Variants in ABI1 observed in about 807,000 individuals in gnomAD.
The protein encoded by ABI1 is abl interactor 1.
ABI1 carries 14 observed loss-of-function variants against 54.6 expected under a neutral mutation model. The observed-to-expected ratio is 0.26, with a 90% confidence interval of 0.17 to 0.40. The LOEUF is 0.40. Ranked by LOEUF, ABI1 falls within the 10% of genes least tolerant of loss-of-function variation. The pLI, the probability that ABI1 is intolerant of heterozygous loss-of-function variation, is 1.00. For synonymous variants in ABI1, 194 were observed against 209.3 expected (o/e 0.93, Z 0.63); for missense variants, 443 against 598.3 (o/e 0.74, Z 2.71).
chr10:26,749,029 AATTC>A (rs1837282542), intron 10 of ABI1, among the ~76,000 whole-genome samples: 1 of 152,220 alleles, frequency 6.6e-6, no homozygotes, highest in African/African-American at 2.4e-5. Flanking sequence ...TAGATGTTTC[AATTC>A]ATTCAAATAC....
chr10:26,857,660 A>C (rs907042750), intron 1 of ABI1, among the ~76,000 whole-genome samples: 9 of 150,788 alleles, frequency 6.0e-5, no homozygotes, highest in Non-Finnish European at 1.0e-4. Context: ...AAAAAAAAAA[A>C]AACTTTCTAT....
intron 2 of ABI1, among the ~76,000 whole-genome samples, chr10:26,784,126 T>C (rs183379628): frequency 9.3e-4 from 141 of 152,272 alleles, no homozygotes; most frequent in African/African-American, 3.0e-3. Flanking sequence ...ACAAAGGACA[T>C]TTCTCTGCAA....
At chr10:26,849,777 ATTC>A (rs2050251079) in intron 1 of ABI1, among the ~76,000 whole-genome samples, 1 of 151,408 alleles carries the variant, frequency 6.6e-6, no homozygotes, top group South Asian at 2.1e-4. Context: ...ATACTTGAAA[ATTC>A]TTCTAGTGAG....
chr10:26,781,537 A>G (rs1842107497), intron 2 of ABI1, among the ~76,000 whole-genome samples: 1 of 152,350 alleles, frequency 6.6e-6, no homozygotes, highest in Non-Finnish European at 1.5e-5. Context: ...TCCAGTGCCC[A>G]TGATACAGAA....
At chr10:26,773,261 G>C (rs1840960136) in intron 3 of ABI1, among the ~76,000 whole-genome samples, 1 of 127,584 alleles carries the variant, frequency 7.8e-6, no homozygotes, top group South Asian at 2.5e-4. Context: ...GAGTGCAGTG[G>C]CTCAATCTTG....
chr10:26,748,288 C>T lies in ABI1; in HGVS notation c.*282G>A, dbSNP rs1022284315. On this transcript the variant is annotated 3_prime_UTR_variant, in exon 11 of 11. Transcript: ENST00000376140. ...ATCATGATTCGTTAAATATTATACC[C>T]CACTTCCCCCAGAATATTTAGGCTG... 1 of 293,730 alleles carries T rather than the reference C, an allele frequency of 3.4e-6. No homozygotes were observed. The highest frequency in any genetic ancestry group is 2.1e-5 in the African/African-American group (1 of 47,320). 18.2% of individuals were successfully genotyped at this position (293,730 alleles called of 1,614,324 possible). A position where few individuals can be genotyped will look rare whatever the true frequency, so the allele number is the denominator to read the frequency against.
At chr10:26,786,230 T>C (rs1842719380) in intron 2 of ABI1, among the ~76,000 whole-genome samples, 1 of 151,930 alleles carries the variant, frequency 6.6e-6, no homozygotes, top group South Asian at 2.1e-4. Context: ...CTTTTTTTTT[T>C]TTTGACAGGG....
intron 7 of ABI1, among the ~76,000 whole-genome samples, chr10:26,759,574 T>G (rs1838840623): frequency 6.6e-6 from 1 of 152,158 alleles, no homozygotes. Flanking sequence ...ATGTAAATTG[T>G]CTTTCCAATA....
At chr10:26,798,735 A>G (rs2046359426) in intron 2 of ABI1, among the ~76,000 whole-genome samples, 1 of 151,990 alleles carries the variant, frequency 6.6e-6, no homozygotes, top group African/African-American at 2.4e-5. Flanking sequence ...TTCAGGTTCA[A>G]AAAGTATAAA....
intron 9 of ABI1, 91 bp from the exon 10 acceptor site, chr10:26,751,874 T>A: frequency 8.7e-7 from 1 of 1,150,722 alleles, no homozygotes; most frequent in Non-Finnish European, 1.2e-6. Context: ...CTAACTTAAG[T>A]ACAGCATGCA....
chr10:26,815,463 A>G (rs532695005), intron 2 of ABI1, among the ~76,000 whole-genome samples: 1 of 152,252 alleles, frequency 6.6e-6, no homozygotes, highest in South Asian at 2.1e-4. Context: ...AACACAGAGA[A>G]TATTCATAAT....
intron 2 of ABI1, among the ~76,000 whole-genome samples, chr10:26,784,511 C>T (rs374193494): frequency 2.4e-3 from 354 of 148,054 alleles, no homozygotes; most frequent in African/African-American, 8.4e-3. Flanking sequence ...CAGCCTGTGC[C>T]GTCTGACTTA....
At chr10:26,789,591 A>G (rs1843158517) in intron 2 of ABI1, among the ~76,000 whole-genome samples, 1 of 152,182 alleles carries the variant, frequency 6.6e-6, no homozygotes, top group South Asian at 2.1e-4. Context: ...ACATTTTAAA[A>G]GGGATTTTCT....
intron 2 of ABI1, among the ~76,000 whole-genome samples, chr10:26,816,156 T>C (rs1199567885): frequency 1.3e-5 from 2 of 152,156 alleles, no homozygotes; most frequent in Admixed American, 6.5e-5. Context: ...TGATAAGCCA[T>C]TGTGACATTT....
chr10:26,760,745 C>G (rs1284812486), intron 7 of ABI1, among the ~76,000 whole-genome samples: 1 of 151,962 alleles, frequency 6.6e-6, no homozygotes, highest in Non-Finnish European at 1.5e-5. Context: ...CAACAATTAG[C>G]TGGGCATGGA....
chr10:26,801,405 G>A lies in ABI1; in HGVS notation c.285+21733C>T, dbSNP rs7093554. 1.5e-3 allele frequency among the ~76,000 whole-genome samples: 227 copies of A among 152,194 alleles called. 1 individual carries two copies. The highest frequency in any genetic ancestry group is 5.2e-3 in the African/African-American group (217 of 41,532). Reference sequence around the variant, plus strand: ...CTACAAAAAATACAAAAATTAGCCAGGCGTGGTGGTATGCACCTGCAGTCC... The same window carrying A: ...CTACAAAAAATACAAAAATTAGCCAAGCGTGGTGGTATGCACCTGCAGTCC... On this transcript the variant is annotated intron_variant, in intron 2 of 10. Transcript: ENST00000376140.
chr10:26,821,824 A>G (rs1474136667), intron 2 of ABI1, among the ~76,000 whole-genome samples: 2 of 151,830 alleles, frequency 1.3e-5, no homozygotes, highest in African/African-American at 4.8e-5. Flanking sequence ...ACAAAGCAGG[A>G]GGATTATTAT....
intron 2 of ABI1, among the ~76,000 whole-genome samples, chr10:26,818,474 C>A (rs11015311): frequency 6.6e-6 from 1 of 151,204 alleles, no homozygotes; most frequent in African/African-American, 2.4e-5. Flanking sequence ...CAAAAATTAG[C>A]TGGCATGCAC....
intron 10 of ABI1, among the ~76,000 whole-genome samples, chr10:26,748,972 G>A (rs939854812): frequency 6.6e-6 from 1 of 152,110 alleles, no homozygotes; most frequent in Admixed American, 6.6e-5. Context: ...TACATCAATA[G>A]GTTCTGTCAA....
Sources: allele counts gnomAD v4.1 joint callset (sites outside exome capture counted in the v4.1 genomes callset), GRCh38; gene constraint gnomAD v4.1.1; transcripts MANE v1.5; gene names NCBI Gene and HGNC (gene_info 2026-07-23, HGNC 2026-07-21).